HS6ST3: variants seen among roughly 807,000 people sequenced by gnomAD.
The protein encoded by HS6ST3 is heparan sulfate 6-O-sulfotransferase 3.
Under a neutral mutation model 36.7 loss-of-function variants are expected in HS6ST3, and 12 were observed. That is an observed-to-expected ratio of 0.33 (90% CI 0.21 to 0.53). The LOEUF is 0.53. HS6ST3 is among the 20% of genes least tolerant of loss of function. The probability of loss-of-function intolerance (pLI) is 0.95; values close to 1 mark genes in which losing one functional copy is unlikely to be tolerated. For missense variants in HS6ST3, 584 were observed against 640.9 expected (o/e 0.91, Z 0.96); for synonymous variants, 240 against 257.5 (o/e 0.93, Z 0.65).
chr13:96,393,320 G>A (rs577943203), intron 1 of HS6ST3, among the ~76,000 whole-genome samples: 9 of 152,270 alleles, frequency 5.9e-5, no homozygotes, highest in African/African-American at 2.2e-4. Context: ...CAGCCCGGAG[G>A]AGACCTAGGG....
rs1212105164 is a variant in HS6ST3, at chr13:96,100,600, G to A, written c.707+9031G>A. ...CGAAGGAGAAACTTCTGGAGAGGAG[G>A]TGTTTGCAGAAAGCAGCCACTGCTA... is the stretch of plus-strand genomic sequence containing the variant. On this transcript the variant is annotated intron_variant, in intron 1 of 1. Transcript: ENST00000376705. Among the ~76,000 whole-genome samples the A allele has an allele frequency of 4.6e-5, 7 of 152,204 alleles. 1 individual carries two copies. Among genetic ancestry groups the A allele is most frequent in the Admixed American group, 4.6e-4 (7 of 15,288 alleles).
In HS6ST3 at chr13:96,110,360, C is replaced by T. The variant is rs1419201830; in HGVS notation, c.707+18791C>T. On this transcript the variant is annotated intron_variant, in intron 1 of 1. Transcript: ENST00000376705. ...CAAGCCCTTCATGAGGGACCCACCC[C>T]CATGACCCAAACACCCCCCTCCAGG... Among the ~76,000 whole-genome samples, 3 of 151,898 alleles carry T rather than the reference C, an allele frequency of 2.0e-5. 1 individual carries two copies. The highest frequency in any genetic ancestry group is 7.2e-5 in the African/African-American group (3 of 41,426).
chr13:96,697,306 T>G (rs973641067), intron 1 of HS6ST3, among the ~76,000 whole-genome samples: 1 of 151,778 alleles, frequency 6.6e-6, no homozygotes, highest in Non-Finnish European at 1.5e-5. Flanking sequence ...ATTCCAAAAA[T>G]AGTAAAAATC....
chr13:96,505,895 T>G (rs2056024255), intron 1 of HS6ST3, among the ~76,000 whole-genome samples: 1 of 152,158 alleles, frequency 6.6e-6, no homozygotes, highest in Admixed American at 6.6e-5. Context: ...AATTGGATAT[T>G]GTTTTAAATG....
At position 96,426,131 on chromosome 13, in the gene HS6ST3, TA is replaced by T. The variant is rs200718319; in HGVS notation, c.707+334572del. 3.6e-4 allele frequency among the ~76,000 whole-genome samples: 54 copies of T among 148,368 alleles called. 1 individual carries two copies. The highest frequency in any genetic ancestry group is 5.9e-4 in the East Asian group (3 of 5,062). On this transcript the variant is annotated intron_variant, in intron 1 of 1. Coordinates refer to ENST00000376705, the MANE Select transcript of HS6ST3 (RefSeq NM_153456.4). ...ATTGTATTTTTAAAAAGGGTAAAATTAAAAAAAAAATGGCCACCTTGCTGTA... is the reference window on the plus strand; with the variant it reads ...ATTGTATTTTTAAAAAGGGTAAAATTAAAAAAAAATGGCCACCTTGCTGTA...
At chr13:96,581,079 C>A (rs2056340233) in intron 1 of HS6ST3, among the ~76,000 whole-genome samples, 1 of 152,026 alleles carries the variant, frequency 6.6e-6, no homozygotes, top group East Asian at 1.9e-4. Context: ...TTCATACATG[C>A]TTTTTTGATT....
chr13:96,408,373 A>G (rs1365362860), intron 1 of HS6ST3, among the ~76,000 whole-genome samples: 1 of 152,198 alleles, frequency 6.6e-6, no homozygotes, highest in South Asian at 2.1e-4. Context: ...ATGCATGAAA[A>G]ATATTCTCCA....
chr13:96,793,972 A>G (rs1877852264), intron 1 of HS6ST3, among the ~76,000 whole-genome samples: 1 of 152,070 alleles, frequency 6.6e-6, no homozygotes, highest in Non-Finnish European at 1.5e-5. Flanking sequence ...TTGTTTAAAG[A>G]TAATAATGCA....
At chr13:96,477,322 C>T (rs889179383) in intron 1 of HS6ST3, among the ~76,000 whole-genome samples, 1 of 152,148 alleles carries the variant, frequency 6.6e-6, no homozygotes, top group Non-Finnish European at 1.5e-5. Flanking sequence ...CATCAAACTC[C>T]TTTAGGAATG....
intron 1 of HS6ST3, among the ~76,000 whole-genome samples, chr13:96,496,826 T>C (rs770336812): frequency 4.6e-5 from 7 of 152,138 alleles, no homozygotes; most frequent in Non-Finnish European, 1.0e-4. Context: ...ATACCTGTGA[T>C]AGTTTGAATA....
chr13:96,445,439 G>A (rs2055693367), intron 1 of HS6ST3, among the ~76,000 whole-genome samples: 1 of 151,936 alleles, frequency 6.6e-6, no homozygotes, highest in South Asian at 2.1e-4. Context: ...AACCCAGAAT[G>A]CCTCCTTTTA....
intron 1 of HS6ST3, among the ~76,000 whole-genome samples, chr13:96,492,808 C>T (rs1487427981): frequency 6.6e-6 from 1 of 152,154 alleles, no homozygotes; most frequent in Non-Finnish European, 1.5e-5. Flanking sequence ...AGAGCTTGCT[C>T]ACTCCAAATG....
At chr13:96,738,938 C>T (rs929106426) in intron 1 of HS6ST3, among the ~76,000 whole-genome samples, 1 of 152,156 alleles carries the variant, frequency 6.6e-6, no homozygotes, top group African/African-American at 2.4e-5. Flanking sequence ...ATACCTAAAT[C>T]CATTCTCGTT....
intron 1 of HS6ST3, among the ~76,000 whole-genome samples, chr13:96,472,768 AAAGAT>A (rs1315768264): frequency 6.6e-6 from 1 of 152,188 alleles, no homozygotes; most frequent in Non-Finnish European, 1.5e-5. Flanking sequence ...GAGAAGATGA[AAAGAT>A]GAGAGGAAGG....
At chr13:96,229,300 T>C (rs1225550076) in intron 1 of HS6ST3, among the ~76,000 whole-genome samples, 5 of 152,318 alleles carry the variant, frequency 3.3e-5, no homozygotes, top group African/African-American at 9.6e-5. Flanking sequence ...TTACACCACC[T>C]TCTGTGAGTT....
intron 1 of HS6ST3, among the ~76,000 whole-genome samples, chr13:96,185,898 A>G (rs1268267463): frequency 6.6e-6 from 1 of 152,190 alleles, no homozygotes; most frequent in East Asian, 1.9e-4. Flanking sequence ...GTTTATTCGC[A>G]TGTACAGAAC....
At chr13:96,776,616 C>G (rs1300549806) in intron 1 of HS6ST3, among the ~76,000 whole-genome samples, 4 of 152,160 alleles carry the variant, frequency 2.6e-5, no homozygotes, top group African/African-American at 9.7e-5. Flanking sequence ...TTCCTGGACA[C>G]ATAGACCCTC....
At chr13:96,656,814 G>A (rs953212785) in intron 1 of HS6ST3, among the ~76,000 whole-genome samples, 5 of 152,216 alleles carry the variant, frequency 3.3e-5, no homozygotes, top group African/African-American at 1.2e-4. Flanking sequence ...ACATTTCATA[G>A]CAAACTGACT....
intron 1 of HS6ST3, among the ~76,000 whole-genome samples, chr13:96,698,788 C>T (rs934352716): frequency 2.7e-4 from 41 of 152,226 alleles, no homozygotes; most frequent in Admixed American, 5.2e-4. Flanking sequence ...GCCCACATTG[C>T]CAAGTCAATC....
Sources: allele counts gnomAD v4.1 joint callset (sites outside exome capture counted in the v4.1 genomes callset), GRCh38; gene constraint gnomAD v4.1.1; transcripts MANE v1.5; gene names NCBI Gene and HGNC (gene_info 2026-07-23, HGNC 2026-07-21).